KIF13A: variants seen among roughly 807,000 people sequenced by gnomAD.
The protein encoded by KIF13A is kinesin-like protein KIF13A.
Under a neutral mutation model 212.2 loss-of-function variants are expected in KIF13A, and 79 were observed. That is an observed-to-expected ratio of 0.37 (90% CI 0.31 to 0.45). The LOEUF is 0.45. KIF13A is among the 20% of genes least tolerant of loss of function. The pLI is 1.00. For missense variants in KIF13A, 1,901 were observed against 2,209.0 expected, an observed-to-expected ratio of 0.86 and a Z score of 2.79; for synonymous variants, 789 against 808.6, an observed-to-expected ratio of 0.98 and a Z score of 0.41.
At position 17,804,446 on chromosome 6, in the gene KIF13A, A is replaced by G. The variant is rs776055042; in HGVS notation, c.2369T>C (p.Ile790Thr). ...FYEAQENHNLIGVANVFLECL... is the reference protein window; with the variant it reads ...FYEAQENHNLTGVANVFLECL... ...TTCCAAGAATACATTCGCCACCCCG[A>G]TGAGGTTGTGATTTTCTTGGGCTTC... Residue 790 changes from isoleucine (I) to threonine (T), a missense_variant, in exon 20 of 39, where the codon ATC becomes ACC. By Grantham distance (89) the Ile-to-Thr change is moderately conservative. This residue lies in a region of KIF13A where 534 missense variants were observed against 536.9 expected (regional missense o/e 0.99). Transcript: ENST00000259711. The G allele has an allele frequency of 6.3e-7, 1 of 1,584,546 alleles. No individual in the cohort carries two copies. The highest frequency in any genetic ancestry group is 8.6e-7 in the Non-Finnish European group (1 of 1,164,488).
In KIF13A at chr6:17,959,790, G is replaced by A. The variant is rs555540111; in HGVS notation, c.146+27264C>T. On this transcript the variant is annotated intron_variant, in intron 2 of 38. Coordinates refer to ENST00000259711, the MANE Select transcript of KIF13A (RefSeq NM_022113.6). ...CGTAATCCCAGCACTTTGGGAGGCC[G>A]AGGCCGGCGGATCACCTGAAGTCAG... Among the ~76,000 whole-genome samples the A allele has an allele frequency of 4.6e-5, 7 of 152,296 alleles. No individual in the cohort carries two copies. In the East Asian group the frequency reaches 1.2e-3, roughly 25 times the overall value.
At chr6:17,910,908 A>ACCTG (rs1282441173) in intron 2 of KIF13A, among the ~76,000 whole-genome samples, 1 of 152,102 alleles carries the variant, frequency 6.6e-6, no homozygotes, top group Non-Finnish European at 1.5e-5. Context: ...GACTACAGGC[A>ACCTG]CCTGCCACCA....
chr6:17,986,930 G>C (rs914795230), intron 2 of KIF13A, 124 bp downstream of exon 2: 1 of 639,706 alleles, frequency 1.6e-6, no homozygotes, highest in Non-Finnish European at 2.8e-6. Flanking sequence ...TCAAACAGGA[G>C]CCGGCGACAA....
rs6904469 is a variant in KIF13A at position 17,809,766 on chromosome 6, T to C, written c.2001-836A>G. Among the ~76,000 whole-genome samples the C allele has an allele frequency of 0.91, 138,906 of 152,278 alleles. 63,476 individuals are homozygous for C. Among genetic ancestry groups the C allele is most frequent in the East Asian group, 0.99 (5,148 of 5,182 alleles). Reference sequence around the variant, plus strand: ...CACTCCATCTAGCAATTGCTCTGTGTCATATATAACTTCTCTTTTCCACCA... The same window carrying C: ...CACTCCATCTAGCAATTGCTCTGTGCCATATATAACTTCTCTTTTCCACCA... On this transcript the variant is annotated intron_variant, in intron 17 of 38. Coordinates refer to ENST00000259711, the MANE Select transcript of KIF13A (RefSeq NM_022113.6). The surrounding 1 kb of genome is among the most constrained non-coding windows in gnomAD (Gnocchi z 4.7).
In KIF13A at chr6:17,934,059, G is replaced by A. The variant is rs1045982682; in HGVS notation, c.147-35879C>T. ...AACTCAATTCAATCTAAATTGTGTC[G>A]TTAGGGTCAACTTTTATTTTTTTTT... On this transcript the variant is annotated intron_variant, in intron 2 of 38. Transcript: ENST00000259711. This position sits in a 1 kb window ranked among gnomAD's most constrained non-coding sequence, Gnocchi z 5.4. 1.3e-5 allele frequency among the ~76,000 whole-genome samples: 2 copies of A among 152,058 alleles called. No individual in the cohort carries two copies. Among genetic ancestry groups the A allele is most frequent in the East Asian group, 1.9e-4 (1 of 5,194 alleles).
chr6:17,977,719 T>C (rs1328944537), intron 2 of KIF13A, among the ~76,000 whole-genome samples: 1 of 152,270 alleles, frequency 6.6e-6, no homozygotes, highest in African/African-American at 2.4e-5. Context: ...TTTTAAATTA[T>C]ACTTTAAGTT....
downstream of KIF13A, chr6:17,760,868 T>C: frequency 1.9e-6 from 3 of 1,613,638 alleles, no homozygotes; most frequent in Middle Eastern, 1.7e-4. Context: ...CACCGTGAGG[T>C]TGTGCCTCCC....
rs189150151 is a variant in KIF13A at position 17,919,350 on chromosome 6, A to G, written c.147-21170T>C. ...AGTACTATGTACTTAATGCTGCTAA[A>G]ATAAGACCATTGAGAGAATTTCAAA... On this transcript the variant is annotated intron_variant, in intron 2 of 38. Coordinates refer to ENST00000259711, the MANE Select transcript of KIF13A (RefSeq NM_022113.6). The surrounding 1 kb of genome is among the most constrained non-coding windows in gnomAD (Gnocchi z 4.1). Among the ~76,000 whole-genome samples the G allele has an allele frequency of 5.3e-5, 8 of 152,336 alleles. No homozygotes were observed. The highest frequency in any genetic ancestry group is 1.4e-4 in the African/African-American group (6 of 41,568).
intron 3 of KIF13A, among the ~76,000 whole-genome samples, chr6:17,893,177 T>A (rs1229483577): frequency 6.6e-6 from 1 of 152,156 alleles, no homozygotes; most frequent in Non-Finnish European, 1.5e-5. Flanking sequence ...GTGTCAAGAG[T>A]GCTGTGGGTA....
At chr6:17,767,281 T>A (rs1438205690) in intron 38 of KIF13A, among the ~76,000 whole-genome samples, 1 of 150,846 alleles carries the variant, frequency 6.6e-6, no homozygotes, top group Non-Finnish European at 1.5e-5. Context: ...TGAGACGAAG[T>A]CTCACTCTTG....
chr6:17,779,822 C>A, intron 31 of KIF13A, 138 bp from the exon 32 acceptor site: 1 of 445,256 alleles, frequency 2.2e-6, no homozygotes, highest in Non-Finnish European at 4.1e-6. Context: ...TCACTGCAGG[C>A]TCCGCCCCCT....
Position 17,852,008 on chromosome 6 carries a change from CT to C in KIF13A, c.528del (p.Val177PhefsTer6). 6.4e-7 allele frequency: 1 copy of C among 1,553,562 alleles called. No individual in the cohort carries two copies. Among genetic ancestry groups the C allele is most frequent in the Non-Finnish European group, 8.7e-7 (1 of 1,153,180 alleles). ...SRQSLKVREH[K>X]VLGPYVDGLS... ...AAACCATCTACATATGGTCCCAAAA[CT>C]TTATGTTCTCGAACTTTAAGAGACT... is the stretch of plus-strand genomic sequence containing the variant. On this transcript the variant is annotated frameshift_variant, in exon 7 of 39. Transcript: ENST00000259711. LOFTEE classifies it high-confidence loss of function.
Position 17,825,641 on chromosome 6 carries a change from G to T in KIF13A, c.1786+127C>A. ...AGTTATTCACTGATGGCCTTTTAAAGAAATGAGCAGTTTTATGTGTTTAAA... is the reference window on the plus strand; with the variant it reads ...AGTTATTCACTGATGGCCTTTTAAATAAATGAGCAGTTTTATGTGTTTAAA... On this transcript the variant is annotated intron_variant, in intron 16 of 38. Coordinates refer to ENST00000259711, the MANE Select transcript of KIF13A (RefSeq NM_022113.6). The surrounding 1 kb of genome is among the most constrained non-coding windows in gnomAD (Gnocchi z 4.5). The T allele has an allele frequency of 3.6e-6, 3 of 834,648 alleles. No individual in the cohort carries two copies. The highest frequency in any genetic ancestry group is 1.8e-5 in the South Asian group (1 of 55,434). 51.7% of individuals were successfully genotyped at this position (834,648 alleles called of 1,614,324 possible).
At chr6:17,835,192 C>A (rs1349769844) in intron 11 of KIF13A, among the ~76,000 whole-genome samples, 1 of 79,888 alleles carries the variant, frequency 1.3e-5, no homozygotes, top group Non-Finnish European at 2.2e-5. Flanking sequence ...CACCCGCCCC[C>A]GCCAAAAAAA....
Position 17,926,695 on chromosome 6 carries a change from T to C in KIF13A, c.147-28515A>G, listed in dbSNP as rs965582427. ...AAATTTTCTTTGACGTAAAAATTAC[T>C]TATAATCTCAGAGTGTAATAAGTGG... On this transcript the variant is annotated intron_variant, in intron 2 of 38. Transcript: ENST00000259711. The surrounding 1 kb of genome is among the most constrained non-coding windows in gnomAD (Gnocchi z 4.3). 6.6e-6 allele frequency among the ~76,000 whole-genome samples: 1 copy of C among 152,230 alleles called. No individual in the cohort carries two copies. The highest frequency in any genetic ancestry group is 2.4e-5 in the African/African-American group (1 of 41,460).
intron 3 of KIF13A, among the ~76,000 whole-genome samples, chr6:17,875,077 C>T (rs181087768): frequency 1.3e-5 from 2 of 151,294 alleles, no homozygotes; most frequent in East Asian, 3.9e-4. Flanking sequence ...GTTGGTTCCA[C>T]GATTTTGCGA....
intron 2 of KIF13A, among the ~76,000 whole-genome samples, chr6:17,981,214 A>AT (rs1477930163): frequency 2.0e-5 from 3 of 151,966 alleles, no homozygotes; most frequent in Admixed American, 6.6e-5. Context: ...CATAGCCATT[A>AT]TTTTTTTAAT....
At position 17,951,372 on chromosome 6, in the gene KIF13A, C is replaced by T; in HGVS notation, c.146+35682G>A. On this transcript the variant is annotated intron_variant, in intron 2 of 38. Coordinates refer to ENST00000259711, the MANE Select transcript of KIF13A (RefSeq NM_022113.6). This position sits in a 1 kb window ranked among gnomAD's most constrained non-coding sequence, Gnocchi z 4.9. ...TCTTGAAATCCTCGGCTCAAGTGAT[C>T]CTCTTGCCTTGGCCTCCCAAAGTGC... The T allele has an allele frequency of 1.6e-6, 1 of 639,242 alleles. No individual in the cohort carries two copies. Among genetic ancestry groups the T allele is most frequent in the Non-Finnish European group, 2.8e-6 (1 of 351,768 alleles). The allele number at this position is 639,242 out of a possible 1,614,324, so 39.6% of individuals were successfully genotyped here.
At position 17,850,710 on chromosome 6, in the gene KIF13A, C is replaced by T. The variant is rs1461550449; in HGVS notation, c.583-253G>A. 6.6e-6 allele frequency among the ~76,000 whole-genome samples: 1 copy of T among 152,056 alleles called. No individual in the cohort carries two copies. The highest frequency in any genetic ancestry group is 1.5e-5 in the Non-Finnish European group (1 of 68,006). ...TTCTCAGTTGAGTCCCTATTTTCTCCTTTTTGGGTTCCTGGGATAGCTAAT... is the reference window on the plus strand; with the variant it reads ...TTCTCAGTTGAGTCCCTATTTTCTCTTTTTTGGGTTCCTGGGATAGCTAAT... On this transcript the variant is annotated intron_variant, in intron 7 of 38. Transcript: ENST00000259711. The surrounding 1 kb of genome is among the most constrained non-coding windows in gnomAD (Gnocchi z 6.2).
Sources: gnomAD v4.1 joint callset for allele counts (sites outside exome capture counted in the v4.1 genomes callset) on GRCh38, gnomAD v4.1.1 for gene constraint, gnomAD v4.1.1 regional missense constraint, Gnocchi (gnomAD v3.1) non-coding constraint, MANE v1.5 for transcripts, NCBI Gene and HGNC (gene_info 2026-07-23, HGNC 2026-07-21) for gene names.